The following PRKAG2 variants were observed in gnomAD, a reference collection of about 807,000 sequenced individuals.
PRKAG2 encodes 5'-AMP-activated protein kinase subunit gamma-2.
A neutral mutation model predicts 69.6 loss-of-function variants in PRKAG2; 26 were observed. That is an observed-to-expected ratio of 0.37 (90% CI 0.27 to 0.52). The LOEUF (loss-of-function observed/expected upper bound fraction) is 0.52. PRKAG2 is among the 20% of genes least tolerant of loss of function. The pLI is 0.90. For synonymous variants in PRKAG2, 293 were observed against 285.0 expected (o/e 1.03, Z -0.28); for missense variants, 557 against 740.0 (o/e 0.75, Z 2.87).
At position 151,565,741 on chromosome 7, in the gene PRKAG2, G is replaced by C. The variant is rs878855018; in HGVS notation, c.1378C>G (p.Leu460Val). Residue 460 changes from leucine (L) to valine (V), a missense_variant, in exon 12 of 16, where the codon CTG becomes GTG. Around this residue, in one of 2 missense-constraint regions of PRKAG2, gnomAD observed 205 missense variants for 383.4 expected, o/e 0.53. Transcript: ENST00000287878. ...NIFVERRISA[L>V]PVVDESGKVV... ...AAACCTGACTCATCCACAACAGGCA[G>C]AGCTGATATTCGTCTTTCCACAAAT... 2 of 1,613,950 alleles carry C rather than the reference G, an allele frequency of 1.2e-6. No homozygotes were observed. Among genetic ancestry groups the C allele is most frequent in the African/African-American group, 2.7e-5 (2 of 75,036 alleles).
intron 5 of PRKAG2, among the ~76,000 whole-genome samples, chr7:151,615,330 A>G (rs989515898): frequency 1.3e-5 from 2 of 152,242 alleles, no homozygotes; most frequent in African/African-American, 4.8e-5. Flanking sequence ...TAGTGCTGCA[A>G]TGGACATACA....
chr7:151,842,528 T>C (rs1040482539), intron 1 of PRKAG2, among the ~76,000 whole-genome samples: 1 of 146,960 alleles, frequency 6.8e-6, no homozygotes, highest in Non-Finnish European at 1.5e-5. Flanking sequence ...TGGTAGGTAG[T>C]GATGATGGTA....
intron 3 of PRKAG2, among the ~76,000 whole-genome samples, chr7:151,709,954 G>A (rs1839302550): frequency 6.6e-6 from 1 of 152,180 alleles, no homozygotes; most frequent in Admixed American, 6.5e-5. Flanking sequence ...GTGCCTGGGG[G>A]ACTCAATGGC....
At chr7:151,559,258 T>C (rs1189222918) in intron 15 of PRKAG2, 3 of 975,354 alleles carry the variant, frequency 3.1e-6, no homozygotes, top group Admixed American at 6.1e-5. Context: ...TCGTATTCCA[T>C]CGAATGAATG....
intron 1 of PRKAG2, among the ~76,000 whole-genome samples, chr7:151,856,582 A>G (rs2079781324): frequency 6.6e-6 from 1 of 152,228 alleles, no homozygotes; most frequent in Non-Finnish European, 1.5e-5. Flanking sequence ...CGTTTCTCCA[A>G]CTGTAAAAAC....
chr7:151,641,312 A>C (rs1826650894), intron 4 of PRKAG2, among the ~76,000 whole-genome samples: 1 of 136,822 alleles, frequency 7.3e-6, no homozygotes, highest in Non-Finnish European at 1.5e-5. Flanking sequence ...CAGTGGCACG[A>C]TCTCGGCTCA....
chr7:151,677,080 C>T (rs1833064734), intron 3 of PRKAG2, among the ~76,000 whole-genome samples: 1 of 152,224 alleles, frequency 6.6e-6, no homozygotes, highest in African/African-American at 2.4e-5. Flanking sequence ...TTTTAAGCCA[C>T]TCAGTCGGTG....
intron 9 of PRKAG2, 159 bp downstream of exon 9, chr7:151,572,505 T>C: frequency 1.7e-6 from 1 of 602,824 alleles, no homozygotes; most frequent in Non-Finnish European, 3.0e-6. Context: ...TCAGCTTTAG[T>C]ACAGTAGCAT....
chr7:151,852,895 A>G (rs1211983688), intron 1 of PRKAG2, among the ~76,000 whole-genome samples: 1 of 152,234 alleles, frequency 6.6e-6, no homozygotes, highest in Non-Finnish European at 1.5e-5. Context: ...TCAGGAGGGA[A>G]GAATACCTGC....
chr7:151,565,392 G>A lies in PRKAG2; in HGVS notation c.1400-9C>T, dbSNP rs1445543245. 2.2e-6 allele frequency: 3 copies of A among 1,347,710 alleles called. No individual in the cohort carries two copies. Among genetic ancestry groups the A allele is most frequent in the Non-Finnish European group, 2.1e-6 (2 of 967,120 alleles). The allele number at this position is 1,347,710 out of a possible 1,614,324, so 83.5% of individuals were successfully genotyped here. On this transcript the variant is annotated splice_polypyrimidine_tract_variant and intron_variant, in intron 12 of 15. Coordinates refer to ENST00000287878, the MANE Select transcript of PRKAG2 (RefSeq NM_016203.4). Reference sequence around the variant, plus strand: ...AATATCTACAACTTTTCCTAAAAATGAAAAATATATGTTAGAAAAATGTCT... The same window carrying A: ...AATATCTACAACTTTTCCTAAAAATAAAAAATATATGTTAGAAAAATGTCT...
intron 1 of PRKAG2, among the ~76,000 whole-genome samples, chr7:151,856,144 T>C (rs1472268620): frequency 6.6e-6 from 1 of 152,170 alleles, no homozygotes; most frequent in Non-Finnish European, 1.5e-5. Context: ...CAAACCTACA[T>C]AGGGTATCAT....
chr7:151,762,923 T>C (rs915795246), intron 3 of PRKAG2, among the ~76,000 whole-genome samples: 1 of 152,112 alleles, frequency 6.6e-6, no homozygotes, highest in Non-Finnish European at 1.5e-5. Flanking sequence ...ATCAAGACCA[T>C]GGGGACAAAC....
intron 3 of PRKAG2, among the ~76,000 whole-genome samples, chr7:151,775,131 G>T (rs1339763773): frequency 6.6e-6 from 1 of 152,248 alleles, no homozygotes; most frequent in Non-Finnish European, 1.5e-5. Flanking sequence ...ATCCTTGCGT[G>T]CATGCACACA....
chr7:151,732,266 T>A (rs1288934165), intron 3 of PRKAG2, among the ~76,000 whole-genome samples: 1 of 151,200 alleles, frequency 6.6e-6, no homozygotes, highest in East Asian at 2.0e-4. Flanking sequence ...AGCCTTCCAA[T>A]TAGCTGGGAC....
Position 151,676,834 on chromosome 7 carries a change from A to G in PRKAG2, c.467-1197T>C, listed in dbSNP as rs536429278. 2.5e-4 allele frequency among the ~76,000 whole-genome samples: 38 copies of G among 152,258 alleles called. No individual in the cohort carries two copies. The South Asian group carries it at 3.3e-3, about 13-fold the overall frequency. On this transcript the variant is annotated intron_variant, in intron 3 of 15. Coordinates refer to ENST00000287878, the MANE Select transcript of PRKAG2 (RefSeq NM_016203.4). ...CTAATGCAATGTGACTGGTGTCCTTATAAGAAGAGGAAAAGAGACACAGAA... is the reference window on the plus strand; with the variant it reads ...CTAATGCAATGTGACTGGTGTCCTTGTAAGAAGAGGAAAAGAGACACAGAA...
At position 151,560,490 on chromosome 7, in the gene PRKAG2, C is replaced by T. The variant is rs749500199; in HGVS notation, c.1678+34G>A. 62 of 1,613,770 alleles carry T rather than the reference C, an allele frequency of 3.8e-5. No individual in the cohort carries two copies. In the South Asian group the frequency reaches 5.4e-4, roughly 14 times the overall value. On this transcript the variant is annotated intron_variant, in intron 15 of 15. Transcript: ENST00000287878. ...TGTTCTACCTCCCACCCTTCCTAGA[C>T]GCCGATGGCAAAGGTCAGAAACCAG...
intron 4 of PRKAG2, among the ~76,000 whole-genome samples, chr7:151,649,178 T>C (rs1263852136): frequency 4.6e-5 from 7 of 152,084 alleles, no homozygotes; most frequent in Non-Finnish European, 1.5e-5. Flanking sequence ...GAGGTTGGAG[T>C]GCAGTGGTGT....
chr7:151,719,272 C>T lies in PRKAG2; in HGVS notation c.467-43635G>A, dbSNP rs1796663506. Among the ~76,000 whole-genome samples the T allele has an allele frequency of 6.6e-6, 1 of 152,142 alleles. No homozygotes were observed. Among genetic ancestry groups the T allele is most frequent in the Non-Finnish European group, 1.5e-5 (1 of 68,032 alleles). On this transcript the variant is annotated intron_variant, in intron 3 of 15. Transcript: ENST00000287878. The surrounding 1 kb of genome is among the most constrained non-coding windows in gnomAD (Gnocchi z 5.2). ...TGCTTCCCGGCCCCGGCACGCTCAG[C>T]CCTGGTCCAACTTATCATACAAGTT...
At chr7:151,601,270 C>T (rs1039850926) in intron 5 of PRKAG2, among the ~76,000 whole-genome samples, 2 of 152,172 alleles carry the variant, frequency 1.3e-5, no homozygotes, top group Non-Finnish European at 2.9e-5. Context: ...ATGACTTCTT[C>T]CCCTGAACGC....
Sources: allele counts gnomAD v4.1 joint callset (sites outside exome capture counted in the v4.1 genomes callset), GRCh38; gene constraint gnomAD v4.1.1; regional missense constraint gnomAD v4.1.1; non-coding constraint Gnocchi (gnomAD v3.1); transcripts MANE v1.5; gene names NCBI Gene and HGNC (gene_info 2026-07-23, HGNC 2026-07-21).